TAFA2: variants seen among roughly 807,000 people sequenced by gnomAD.
TAFA2 encodes the protein chemokine-like protein TAFA-2.
In TAFA2, 7 loss-of-function variants were observed where a neutral mutation model predicts 18.8. That is an observed-to-expected ratio of 0.37 (90% CI 0.21 to 0.70). The LOEUF (loss-of-function observed/expected upper bound fraction) is 0.70, where lower values mean the gene tolerates loss of function less well. Ranked by LOEUF, TAFA2 falls within the 30% of genes least tolerant of loss-of-function variation. The pLI is 0.53. For missense variants in TAFA2, 122 were observed against 158.1 expected, an observed-to-expected ratio of 0.77 and a Z score of 1.23; for synonymous variants, 60 against 54.2, an observed-to-expected ratio of 1.11 and a Z score of -0.47.
chr12:61,974,327 C>A (rs1879357126), intron 1 of TAFA2, among the ~76,000 whole-genome samples: 1 of 151,660 alleles, frequency 6.6e-6, no homozygotes, highest in African/African-American at 2.4e-5. Flanking sequence ...AATTTTGAAG[C>A]AAGAAAAGGT....
intron 1 of TAFA2, among the ~76,000 whole-genome samples, chr12:62,131,829 C>T (rs1414628999): frequency 6.6e-6 from 1 of 151,880 alleles, no homozygotes; most frequent in Non-Finnish European, 1.5e-5. Context: ...TAAGCCAAAC[C>T]ACTATTCCCC....
At chr12:61,857,726 C>T (rs1873942649) in intron 2 of TAFA2, among the ~76,000 whole-genome samples, 1 of 152,166 alleles carries the variant, frequency 6.6e-6, no homozygotes, top group Admixed American at 6.5e-5. Context: ...TCTCTTCTTT[C>T]ATGGGTGTCA....
rs1259823718 is a variant in TAFA2, at chr12:61,724,783, GTGT to G, written c.385-14369_385-14367del. ...TGTGTGTGTGTGTGTGTGTGTGTGTGTGTGTGTGTGTGTGTGTGTATACACCAG... is the reference window on the plus strand; with the variant it reads ...TGTGTGTGTGTGTGTGTGTGTGTGTGGTGTGTGTGTGTGTGTATACACCAG... On this transcript the variant is annotated intron_variant, in intron 4 of 4. Transcript: ENST00000416284. Among the ~76,000 whole-genome samples the G allele has an allele frequency of 2.1e-3, 202 of 94,384 alleles. 2 individuals carry two copies. The highest frequency in any genetic ancestry group is 8.5e-3 in the African/African-American group (180 of 21,138). 61.9% of individuals were successfully genotyped at this position (94,384 alleles called of 152,430 possible). A position where few individuals can be genotyped will look rare whatever the true frequency, so the allele number is the denominator to read the frequency against.
At chr12:62,107,835 GTTA>G (rs1197479853) in intron 1 of TAFA2, among the ~76,000 whole-genome samples, 1 of 151,844 alleles carries the variant, frequency 6.6e-6, no homozygotes, top group African/African-American at 2.4e-5. Flanking sequence ...TTACTTTAAT[GTTA>G]TTATTAGTAT....
intron 2 of TAFA2, among the ~76,000 whole-genome samples, chr12:61,837,666 C>CT (rs1872990385): frequency 6.6e-6 from 1 of 151,954 alleles, no homozygotes; most frequent in Admixed American, 6.6e-5. Flanking sequence ...CTTACTGAGA[C>CT]TTGGTGTTCA....
intron 4 of TAFA2, among the ~76,000 whole-genome samples, chr12:61,746,180 G>C (rs1868699202): frequency 6.6e-6 from 1 of 151,654 alleles, no homozygotes; most frequent in Admixed American, 6.6e-5. Context: ...TCATGATAGT[G>C]AGTGAGTCTC....
intron 4 of TAFA2, among the ~76,000 whole-genome samples, chr12:61,745,043 G>C (rs985739836): frequency 2.6e-5 from 4 of 151,966 alleles, no homozygotes; most frequent in Admixed American, 2.6e-4. Context: ...CATATCATTT[G>C]AGTTTAAATA....
intron 1 of TAFA2, among the ~76,000 whole-genome samples, chr12:62,135,271 G>A (rs1870850343): frequency 6.6e-6 from 1 of 151,936 alleles, no homozygotes; most frequent in African/African-American, 2.4e-5. Context: ...GAGACTTTTG[G>A]ACTATTCCCA....
chr12:62,060,519 A>G (rs78041153), intron 1 of TAFA2, among the ~76,000 whole-genome samples: 1,740 of 152,370 alleles, frequency 0.011, 13 homozygotes, highest in Non-Finnish European at 0.019. Context: ...ACAATAAATG[A>G]CAATGTTATT....
intron 1 of TAFA2, among the ~76,000 whole-genome samples, chr12:61,928,396 C>T (rs1032638519): frequency 9.2e-5 from 14 of 151,818 alleles, no homozygotes; most frequent in African/African-American, 2.9e-4. Flanking sequence ...GTTTATGTGG[C>T]CAAAAAATGT....
intron 2 of TAFA2, among the ~76,000 whole-genome samples, chr12:61,778,824 C>T (rs1870383879): frequency 6.6e-6 from 1 of 151,834 alleles, no homozygotes; most frequent in African/African-American, 2.4e-5. Flanking sequence ...TTGAAAATAC[C>T]TGCCCTCCAT....
chr12:62,003,427 T>C (rs900912853), intron 1 of TAFA2, among the ~76,000 whole-genome samples: 1 of 152,196 alleles, frequency 6.6e-6, no homozygotes, highest in Non-Finnish European at 1.5e-5. Flanking sequence ...GCCTTTGCAC[T>C]GACTATTTCC....
chr12:62,020,967 T>C (rs898653172), intron 1 of TAFA2, among the ~76,000 whole-genome samples: 1 of 152,254 alleles, frequency 6.6e-6, no homozygotes, highest in Admixed American at 6.5e-5. Context: ...TGAACTCAGT[T>C]ATATTCACTC....
At chr12:62,143,989 A>C (rs1253304229) in intron 1 of TAFA2, among the ~76,000 whole-genome samples, 1 of 147,786 alleles carries the variant, frequency 6.8e-6, no homozygotes, top group African/African-American at 2.5e-5. Context: ...TTGAGGCTGC[A>C]GTGAGCTGAG....
Position 61,730,341 on chromosome 12 carries a change from T to C in TAFA2, c.385-19924A>G, listed in dbSNP as rs775177093. ...AAGTTGTTATAATATCTTGAGTTAG[T>C]TGGCATCCAGCAAGGAGGTGGTGGT... On this transcript the variant is annotated intron_variant, in intron 4 of 4. Coordinates refer to ENST00000416284, the MANE Select transcript of TAFA2 (RefSeq NM_178539.5). Among the ~76,000 whole-genome samples, 218 of 152,220 alleles carry C rather than the reference T, an allele frequency of 1.4e-3. 2 individuals are homozygous for C. The highest frequency in any genetic ancestry group is 2.5e-3 in the Non-Finnish European group (168 of 68,008).
At chr12:62,055,698 C>T (rs1882170801) in intron 1 of TAFA2, among the ~76,000 whole-genome samples, 1 of 151,986 alleles carries the variant, frequency 6.6e-6, no homozygotes, top group African/African-American at 2.4e-5. Context: ...AGGTTATAAC[C>T]TTTTTATAAA....
chr12:61,870,900 A>G (rs2121230341), intron 1 of TAFA2, among the ~76,000 whole-genome samples: 1 of 152,298 alleles, frequency 6.6e-6, no homozygotes, highest in Admixed American at 6.5e-5. Context: ...TTCAACCATT[A>G]TTCTCATATA....
At chr12:61,753,883 T>C (rs1033947790) in intron 3 of TAFA2, 137 bp from the exon 4 acceptor site, 1 of 614,408 alleles carries the variant, frequency 1.6e-6, no homozygotes. Context: ...CCTTTCTTTT[T>C]GTTCAAAAGG....
chr12:61,882,346 G>A (rs1188207292), intron 1 of TAFA2, among the ~76,000 whole-genome samples: 1 of 152,132 alleles, frequency 6.6e-6, no homozygotes, highest in Admixed American at 6.6e-5. Context: ...AAAAACACTG[G>A]AGGAAAACAA....
Sources: gnomAD v4.1 joint callset for allele counts (sites outside exome capture counted in the v4.1 genomes callset) on GRCh38, gnomAD v4.1.1 for gene constraint, MANE v1.5 for transcripts, NCBI Gene and HGNC (gene_info 2026-07-23, HGNC 2026-07-21) for gene names.